Variants in CDK13 observed in about 807,000 individuals in gnomAD.
CDK13 encodes cyclin-dependent kinase 13.
Under a neutral mutation model 137.6 loss-of-function variants are expected in CDK13, and 40 were observed. The ratio of observed to expected loss-of-function variants is 0.29; its 90% CI spans 0.23 to 0.38. The LOEUF (loss-of-function observed/expected upper bound fraction) is 0.38, where lower values mean the gene tolerates loss of function less well. Ranked by LOEUF, CDK13 falls within the 10% of genes least tolerant of loss-of-function variation. The pLI, the probability that CDK13 is intolerant of heterozygous loss-of-function variation, is 1.00. For synonymous variants in CDK13, 869 were observed against 760.1 expected (o/e 1.14, Z -2.36); for missense variants, 1,704 against 1,951.8 (o/e 0.87, Z 2.39).
At chr7:40,003,186 A>G (rs1784723870) in intron 5 of CDK13, among the ~76,000 whole-genome samples, 2 of 97,044 alleles carry the variant, frequency 2.1e-5, no homozygotes, top group African/African-American at 7.6e-5. Flanking sequence ...ACACACACAC[A>G]CACACACACA....
rs1378741663 is a variant in CDK13 at position 40,095,545 on chromosome 7, A to AT, written c.*566dup. ...ACCTTTCTCTTGATGCAACAGTTTT[A>AT]TAAAAAAAAAAATGGTCAACGTTAT... On this transcript the variant is annotated 3_prime_UTR_variant, in exon 14 of 14. Transcript: ENST00000181839. The AT allele has an allele frequency of 8.1e-5, 4 of 49,620 alleles. No individual in the cohort carries two copies. The highest frequency in any genetic ancestry group is 5.5e-4 in the South Asian group (1 of 1,828). The allele number at this position is 49,620 out of a possible 1,614,324, so 3.1% of individuals were successfully genotyped here. A position where few individuals can be genotyped will look rare whatever the true frequency, so the allele number is the denominator to read the frequency against.
intron 5 of CDK13, among the ~76,000 whole-genome samples, chr7:40,028,310 C>G (rs1206604854): frequency 6.6e-6 from 1 of 151,624 alleles, no homozygotes; most frequent in Non-Finnish European, 1.5e-5. Flanking sequence ...GCTCCGCCTC[C>G]CAGGTTCACG....
chr7:40,055,572 A>ATTTTTTTTTTTTTTTTTTTTTT (rs1202058166), intron 7 of CDK13, among the ~76,000 whole-genome samples: 1 of 128,628 alleles, frequency 7.8e-6, no homozygotes, highest in Non-Finnish European at 1.7e-5. Flanking sequence ...AGGATTCTGG[A>ATTTTTTTTTTTTTTTTTTTTTT]TTTTTTTTTT....
intron 1 of CDK13, among the ~76,000 whole-genome samples, chr7:39,976,259 C>T (rs1391777952): frequency 1.4e-4 from 20 of 143,742 alleles, no homozygotes; most frequent in Admixed American, 1.3e-3. Flanking sequence ...TGCCATTGCA[C>T]TCCAGCCTGG....
At chr7:40,064,588 A>G (rs1053584152) in intron 9 of CDK13, among the ~76,000 whole-genome samples, 1 of 152,076 alleles carries the variant, frequency 6.6e-6, no homozygotes. Flanking sequence ...AGGGTACAGC[A>G]GGGAAAGATG....
intron 9 of CDK13, among the ~76,000 whole-genome samples, chr7:40,063,847 G>A (rs1185115380): frequency 2.6e-5 from 4 of 151,840 alleles, no homozygotes; most frequent in Admixed American, 6.6e-5. Flanking sequence ...TAGCAGAGAC[G>A]GGGTTTCACC....
intron 1 of CDK13, chr7:39,952,706 A>T (rs939100930): frequency 2.6e-5 from 4 of 152,176 alleles, no homozygotes; most frequent in African/African-American, 9.7e-5. Context: ...TTAGATATAT[A>T]CCCGAAGGAT....
At chr7:39,974,322 T>C (rs1382324178) in intron 1 of CDK13, among the ~76,000 whole-genome samples, 1 of 152,132 alleles carries the variant, frequency 6.6e-6, no homozygotes. Context: ...TGCCTTGGCC[T>C]CCCAAGGTGT....
intron 5 of CDK13, among the ~76,000 whole-genome samples, chr7:40,018,516 A>G (rs1030193005): frequency 3.9e-5 from 6 of 152,148 alleles, no homozygotes; most frequent in African/African-American, 1.4e-4. Flanking sequence ...CTAAGTGCCC[A>G]TCAGCTGAGG....
intron 5 of CDK13, among the ~76,000 whole-genome samples, chr7:40,017,405 T>G (rs1204288832): frequency 6.6e-6 from 1 of 152,142 alleles, no homozygotes; most frequent in Admixed American, 6.5e-5. Flanking sequence ...TATTCAATTT[T>G]TTTACATTCT....
intron 4 of CDK13, among the ~76,000 whole-genome samples, chr7:39,999,823 A>G (rs1784646179): frequency 6.6e-6 from 1 of 152,152 alleles, no homozygotes; most frequent in South Asian, 2.1e-4. Flanking sequence ...CTTGACCTGA[A>G]TTAATTTTAG....
intron 7 of CDK13, among the ~76,000 whole-genome samples, chr7:40,050,660 T>G (rs1033221049): frequency 6.6e-6 from 1 of 152,252 alleles, no homozygotes; most frequent in African/African-American, 2.4e-5. Context: ...CCCAAAGTGC[T>G]GGGATTATAG....
At chr7:40,000,828 T>C (rs1583971393) in intron 4 of CDK13, among the ~76,000 whole-genome samples, 2 of 152,248 alleles carry the variant, frequency 1.3e-5, no homozygotes, top group Non-Finnish European at 2.9e-5. Context: ...ACATTTTTTT[T>C]CTCCAAGGAA....
At chr7:39,984,074 TAGAATG>T (rs1403271356) in intron 1 of CDK13, 1 of 152,146 alleles carries the variant, frequency 6.6e-6, no homozygotes, top group Non-Finnish European at 1.5e-5. Flanking sequence ...GTCCTAGAAT[TAGAATG>T]TTTCTAAACA....
intron 2 of CDK13, among the ~76,000 whole-genome samples, chr7:39,993,421 C>G (rs1373264204): frequency 6.6e-6 from 1 of 152,030 alleles, no homozygotes; most frequent in Non-Finnish European, 1.5e-5. Context: ...GACATGACCT[C>G]GTTTGTTTTT....
Position 40,023,707 on chromosome 7 carries a change from G to A in CDK13, c.2353+21676G>A, listed in dbSNP as rs1274563107. On this transcript the variant is annotated intron_variant, in intron 5 of 13. Transcript: ENST00000181839. ...ATAGAGACGGGGTTTCACCATGTTA[G>A]CCAGGATGGTCTCGTGATCCGCCCG... is the stretch of plus-strand genomic sequence containing the variant. Among the ~76,000 whole-genome samples the A allele has an allele frequency of 4.0e-5, 6 of 151,828 alleles. No homozygotes were observed. In the East Asian group the frequency reaches 1.2e-3, roughly 29 times the overall value.
intron 7 of CDK13, among the ~76,000 whole-genome samples, chr7:40,050,164 C>A (rs1008657673): frequency 6.6e-6 from 1 of 152,002 alleles, no homozygotes; most frequent in Non-Finnish European, 1.5e-5. Context: ...GGACGCTTAA[C>A]GTTGATTCCC....
chr7:39,996,761 A>C (rs1403612578), intron 2 of CDK13, among the ~76,000 whole-genome samples: 1 of 152,082 alleles, frequency 6.6e-6, no homozygotes, highest in East Asian at 1.9e-4. Flanking sequence ...TTGGGAGTTC[A>C]AGACCAGCCT....
Position 40,094,956 on chromosome 7 carries a change from C to T in CDK13, c.4515C>T (p.Gly1505=), listed in dbSNP as rs373498587. 1.4e-5 allele frequency: 20 copies of T among 1,426,002 alleles called. No individual in the cohort carries two copies. The East Asian group carries it at 4.7e-4, about 34-fold the overall frequency. 88.3% of individuals were successfully genotyped at this position (1,426,002 alleles called of 1,614,324 possible). ...ATATTAGCACATCAACTGGCAGAGGCAGAGGCAGAGGGTTACCATACTGAG... is the reference window on the plus strand; with the variant it reads ...ATATTAGCACATCAACTGGCAGAGGTAGAGGCAGAGGGTTACCATACTGAG... The part of the protein sequence containing the change: ...RGHISTSTGR[G]RGRGLPY Residue 1505 remains glycine (G), a synonymous_variant, in exon 14 of 14, where the codon GGC becomes GGT. Coordinates refer to ENST00000181839, the MANE Select transcript of CDK13 (RefSeq NM_003718.5).
Sources: allele counts gnomAD v4.1 joint callset (sites outside exome capture counted in the v4.1 genomes callset), GRCh38; gene constraint gnomAD v4.1.1; transcripts MANE v1.5; gene names NCBI Gene and HGNC (gene_info 2026-07-23, HGNC 2026-07-21).